ADSL: variants seen among roughly 807,000 people sequenced by gnomAD.
The protein encoded by ADSL is adenylosuccinate lyase.
A neutral mutation model predicts 62.1 loss-of-function variants in ADSL; 44 were observed. The observed-to-expected ratio is 0.71, with a 90% CI of 0.56 to 0.91. The LOEUF (loss-of-function observed/expected upper bound fraction) is 0.91. ADSL is among the 40% of genes least tolerant of loss of function. The pLI, the probability that ADSL is intolerant of heterozygous loss-of-function variation, is 0.00. For synonymous variants in ADSL, 198 were observed against 220.5 expected, an observed-to-expected ratio of 0.90 and a Z score of 0.90; for missense variants, 531 against 627.4, an observed-to-expected ratio of 0.85 and a Z score of 1.64.
At chr22:40,371,571 CAT>C (rs1237181270), downstream of ADSL, among the ~76,000 whole-genome samples, 2 of 152,212 alleles carry the variant, frequency 1.3e-5, no homozygotes, top group Non-Finnish European at 2.9e-5. Context: ...TTTATAGGTA[CAT>C]ATGTTTCCCG....
At chr22:40,350,764 G>A (rs376591148) in intron 2 of ADSL, among the ~76,000 whole-genome samples, 5 of 151,862 alleles carry the variant, frequency 3.3e-5, no homozygotes, top group Non-Finnish European at 5.9e-5. Context: ...GATTCCACGC[G>A]CCTGCCACCA....
chr22:40,348,712 A>G, intron 1 of ADSL: 4 of 397,618 alleles, frequency 1.0e-5, no homozygotes, highest in Admixed American at 4.4e-5. Flanking sequence ...TAATTAATCA[A>G]TTTAAATTTA....
At position 40,366,603 on chromosome 22, in the gene ADSL, C is replaced by A; in HGVS notation, c.*81C>A. The A allele has an allele frequency of 9.8e-7, 1 of 1,025,230 alleles. No individual in the cohort carries two copies. Among genetic ancestry groups the A allele is most frequent in the Non-Finnish European group, 1.5e-6 (1 of 654,680 alleles). 63.5% of individuals were successfully genotyped at this position (1,025,230 alleles called of 1,614,324 possible). On this transcript the variant is annotated 3_prime_UTR_variant, in exon 13 of 13. Coordinates refer to ENST00000623063, the MANE Select transcript of ADSL (RefSeq NM_000026.4). ...GTTACTATAATGCCTTATTTTACCTCGAGAATTGTTACCTTAAATTAGTAC... is the reference window on the plus strand; with the variant it reads ...GTTACTATAATGCCTTATTTTACCTAGAGAATTGTTACCTTAAATTAGTAC...
downstream of ADSL, among the ~76,000 whole-genome samples, chr22:40,374,035 G>A (rs1359564066): frequency 7.2e-5 from 11 of 152,072 alleles, no homozygotes; most frequent in East Asian, 1.4e-3. Flanking sequence ...TGCAAGCTCT[G>A]CCTCCCGGGT....
At chr22:40,377,380 T>A (rs2046811054) in intron 2 of ADSL, among the ~76,000 whole-genome samples, 1 of 152,226 alleles carries the variant, frequency 6.6e-6, no homozygotes, top group African/African-American at 2.4e-5. Flanking sequence ...CTGCTGTTGT[T>A]TTCAACGAGC....
chr22:40,385,278 C>CT (rs1210403421), intron 2 of ADSL, among the ~76,000 whole-genome samples: 1 of 152,098 alleles, frequency 6.6e-6, no homozygotes, highest in African/African-American at 2.4e-5. Flanking sequence ...AGCATGGGCG[C>CT]TTTTAAAAAG....
chr22:40,365,723 T>G (rs1212695091), intron 12 of ADSL, among the ~76,000 whole-genome samples: 1 of 151,778 alleles, frequency 6.6e-6, no homozygotes, highest in Non-Finnish European at 1.5e-5. Context: ...ATACAAAAAT[T>G]AGCCAGGTGT....
intron 2 of ADSL, among the ~76,000 whole-genome samples, chr22:40,384,992 G>A (rs76035307): frequency 2.9e-4 from 44 of 152,246 alleles, no homozygotes; most frequent in African/African-American, 9.6e-4. Context: ...ACTGATGTGG[G>A]GAATGTCTTT....
At chr22:40,349,042 G>C (rs2044248808) in intron 1 of ADSL, 1 of 153,846 alleles carries the variant, frequency 6.5e-6, no homozygotes, top group South Asian at 2.1e-4. Context: ...TTCTAAATTT[G>C]GTTTCTGTAA....
intron 8 of ADSL, 73 bp downstream of exon 8, chr22:40,361,415 C>T (rs552290711): frequency 1.9e-6 from 3 of 1,612,646 alleles, no homozygotes; most frequent in East Asian, 4.5e-5. Context: ...AGAGCTCATT[C>T]AGCATGCTTG....
In ADSL at chr22:40,346,532, C is replaced by A. The variant is rs1294310669; in HGVS notation, c.-27C>A. The stretch of plus-strand genomic sequence containing the variant: ...CGCTTCCGCTCTTCCCTGGTCCAGT[C>A]CACCCTGGCGGGGTCGCAGGGTTGG... On this transcript the variant is annotated 5_prime_UTR_variant, in exon 1 of 13. Transcript: ENST00000623063. 1.3e-6 allele frequency: 2 copies of A among 1,593,266 alleles called. No individual in the cohort carries two copies. The highest frequency in any genetic ancestry group is 2.3e-5 in the South Asian group (2 of 88,624).
chr22:40,364,258 C>T lies in ADSL; in HGVS notation c.1102-18C>T. ...TTGAGGCACCTTTCTTGGTCATTCACCGTATCTTTTCCTATAGGTAATTGA... is the reference window on the plus strand; with the variant it reads ...TTGAGGCACCTTTCTTGGTCATTCATCGTATCTTTTCCTATAGGTAATTGA... On this transcript the variant is annotated intron_variant, in intron 10 of 12. Transcript: ENST00000623063. 2 of 1,611,484 alleles carry T rather than the reference C, an allele frequency of 1.2e-6. No individual in the cohort carries two copies. Among genetic ancestry groups the T allele is most frequent in the East Asian group, 2.2e-5 (1 of 44,876 alleles).
chr22:40,355,831 G>A (rs1297030149), intron 4 of ADSL, among the ~76,000 whole-genome samples: 1 of 152,088 alleles, frequency 6.6e-6, no homozygotes, highest in Admixed American at 6.6e-5. Flanking sequence ...GTTCCTAGCT[G>A]TCAGTGTCAT....
chr22:40,354,370 C>T (rs1188805732), intron 4 of ADSL, 43 bp downstream of exon 4: 8 of 1,468,772 alleles, frequency 5.4e-6, no homozygotes, highest in East Asian at 2.3e-5. Context: ...ATATGGCTTT[C>T]AGCTGCTTCT....
At chr22:40,370,943 C>A (rs1289164658), downstream of ADSL, among the ~76,000 whole-genome samples, 8 of 152,204 alleles carry the variant, frequency 5.3e-5, no homozygotes, top group Non-Finnish European at 1.0e-4. Flanking sequence ...CCTAGACGGC[C>A]GAGGCCACCT....
chr22:40,364,076 C>G (rs1323774678), intron 10 of ADSL, among the ~76,000 whole-genome samples, 200 bp from the exon 11 acceptor site: 1 of 117,666 alleles, frequency 8.5e-6, no homozygotes, highest in African/African-American at 3.3e-5. Flanking sequence ...GACTCTGTCT[C>G]AAAAAAAAAA....
intron 6 of ADSL, among the ~76,000 whole-genome samples, chr22:40,360,093 A>AGTGAAAAGGGTG (rs1359785278): frequency 6.6e-6 from 1 of 152,160 alleles, no homozygotes; most frequent in Admixed American, 6.6e-5. Context: ...CCTGAGTATT[A>AGTGAAAAGGGTG]GTGAAAAGGG....
chr22:40,353,163 T>C, intron 3 of ADSL, 46 bp downstream of exon 3: 1 of 1,491,204 alleles, frequency 6.7e-7, no homozygotes, highest in South Asian at 1.1e-5. Context: ...ATTCCCTATG[T>C]TAGGAGATAG....
chr22:40,358,973 G>A lies in ADSL; in HGVS notation c.592G>A (p.Val198Ile), dbSNP rs778422871. 1 of 1,614,214 alleles carries A rather than the reference G, an allele frequency of 6.2e-7. No individual in the cohort carries two copies. Among genetic ancestry groups the A allele is most frequent in the South Asian group, 1.1e-5 (1 of 91,086 alleles). ...CCGAGATGACCTGCGCTTCCGGGGA[G>A]TAAAGGGTACCACTGGCACTCAGGC... Reference protein sequence around the residue: ...RVRDDLRFRGVKGTTGTQASF... With the variant: ...RVRDDLRFRGIKGTTGTQASF... Residue 198 changes from valine (V) to isoleucine (I), a missense_variant, in exon 5 of 13, where the codon GTA becomes ATA. Val to Ile is a conservative substitution (Grantham distance 29). Around this residue, in one of 2 missense-constraint regions of ADSL, gnomAD observed 471 missense variants for 592.9 expected, o/e 0.79. Coordinates refer to ENST00000623063, the MANE Select transcript of ADSL (RefSeq NM_000026.4).
Sources: gnomAD v4.1 joint callset for allele counts (sites outside exome capture counted in the v4.1 genomes callset) on GRCh38, gnomAD v4.1.1 for gene constraint, gnomAD v4.1.1 regional missense constraint, MANE v1.5 for transcripts, NCBI Gene and HGNC (gene_info 2026-07-23, HGNC 2026-07-21) for gene names.